POU6F2: variants seen among roughly 807,000 people sequenced by gnomAD.
POU6F2 encodes the protein POU domain, class 6, transcription factor 2.
In POU6F2, 31 loss-of-function variants were observed where a neutral mutation model predicts 71.3. The observed-to-expected ratio is 0.43, with a 90% confidence interval of 0.33 to 0.59. The LOEUF (loss-of-function observed/expected upper bound fraction) is 0.59, where lower values mean the gene tolerates loss of function less well. Among genes scored for constraint, POU6F2 ranks in the 20% least tolerant of loss-of-function variants. The pLI is 0.04. For missense variants in POU6F2, 783 were observed against 856.8 expected, an observed-to-expected ratio of 0.91 and a Z score of 1.07; for synonymous variants, 347 against 355.7, an observed-to-expected ratio of 0.98 and a Z score of 0.27.
intron 1 of POU6F2, among the ~76,000 whole-genome samples, chr7:39,016,194 T>C (rs1349961941): frequency 7.2e-6 from 1 of 139,450 alleles, no homozygotes; most frequent in East Asian, 2.0e-4. Flanking sequence ...ATCTATATTA[T>C]ATATAGATGT....
chr7:39,385,236 C>A (rs1211844586), intron 5 of POU6F2, among the ~76,000 whole-genome samples: 2 of 152,182 alleles, frequency 1.3e-5, no homozygotes, highest in Non-Finnish European at 1.5e-5. Context: ...TTCTGCAAAT[C>A]TCAAATCTTT....
At chr7:39,088,388 A>G (rs1443948795) in intron 2 of POU6F2, among the ~76,000 whole-genome samples, 4 of 152,198 alleles carry the variant, frequency 2.6e-5, no homozygotes, top group African/African-American at 9.6e-5. Context: ...AACTTTCCAG[A>G]ATAATTCTGT....
Position 39,451,660 on chromosome 7 carries a change from C to A in POU6F2, c.1448C>A (p.Ser483Tyr). Residue 483 changes from serine to tyrosine, a missense_variant, in exon 8 of 10, where the codon TCC becomes TAC. This residue lies in a region of POU6F2 where 572 missense variants were observed against 572.9 expected (regional missense o/e 1.00). Coordinates refer to ENST00000518318, the MANE Select transcript of POU6F2 (RefSeq NM_001370959.1). ...VRQASSSSSS[S>Y]SSSSALSVGQ... is the part of the protein sequence containing the mutation. ...CAGGCTTCCTCTTCTTCCTCCTCATCCTCCTCTTCTTCAGCTTTGAGCGTG... is the reference window on the plus strand; with the variant it reads ...CAGGCTTCCTCTTCTTCCTCCTCATACTCCTCTTCTTCAGCTTTGAGCGTG... 1.2e-6 allele frequency: 2 copies of A among 1,610,654 alleles called. No individual in the cohort carries two copies. The highest frequency in any genetic ancestry group is 1.6e-4 in the Middle Eastern group (1 of 6,062).
intron 4 of POU6F2, among the ~76,000 whole-genome samples, chr7:39,275,049 A>G (rs1431463494): frequency 1.3e-5 from 2 of 151,634 alleles, no homozygotes; most frequent in African/African-American, 4.8e-5. Flanking sequence ...AGTTCTGGCC[A>G]GGGCAATTAG....
At chr7:39,158,032 G>C (rs908646359) in intron 2 of POU6F2, among the ~76,000 whole-genome samples, 1 of 152,174 alleles carries the variant, frequency 6.6e-6, no homozygotes, top group Non-Finnish European at 1.5e-5. Flanking sequence ...GAAGCAGGCT[G>C]TCTGGATTTT....
At chr7:39,360,983 C>G (rs1232694515) in intron 5 of POU6F2, among the ~76,000 whole-genome samples, 1 of 152,154 alleles carries the variant, frequency 6.6e-6, no homozygotes, top group Non-Finnish European at 1.5e-5. Flanking sequence ...CCTATCTCAT[C>G]CTATGAGTTA....
intron 1 of POU6F2, among the ~76,000 whole-genome samples, chr7:39,050,799 C>G (rs1790386928): frequency 6.6e-6 from 1 of 152,142 alleles, no homozygotes; most frequent in African/African-American, 2.4e-5. Flanking sequence ...AGAAGGGGAG[C>G]AGCCCAGGCA....
At chr7:39,250,094 C>T (rs1783887942) in intron 4 of POU6F2, among the ~76,000 whole-genome samples, 2 of 152,196 alleles carry the variant, frequency 1.3e-5, no homozygotes, top group South Asian at 4.1e-4. Flanking sequence ...TCAGCTCCAT[C>T]TTGGCAGCCC....
At chr7:39,445,616 T>C (rs1032379056) in intron 7 of POU6F2, among the ~76,000 whole-genome samples, 3 of 152,104 alleles carry the variant, frequency 2.0e-5, no homozygotes, top group Admixed American at 1.3e-4. Flanking sequence ...CTTCCTCCTC[T>C]TTTCAAATTT....
chr7:39,124,048 CTTT>C (rs367553456), intron 2 of POU6F2, among the ~76,000 whole-genome samples: 1 of 130,174 alleles, frequency 7.7e-6, no homozygotes, highest in Non-Finnish European at 1.6e-5. Context: ...TAGACTGGGC[CTTT>C]TTTTTTTTTT....
At chr7:39,017,392 A>G (rs926382824) in intron 1 of POU6F2, among the ~76,000 whole-genome samples, 6 of 152,122 alleles carry the variant, frequency 3.9e-5, no homozygotes, top group Admixed American at 1.3e-4. Flanking sequence ...CTGCTAAATC[A>G]CCATCTTTAG....
chr7:39,449,802 G>T (rs1390698831), intron 7 of POU6F2, among the ~76,000 whole-genome samples: 1 of 152,114 alleles, frequency 6.6e-6, no homozygotes, highest in African/African-American at 2.4e-5. Flanking sequence ...ACCAAGGCAT[G>T]CAACAAAATG....
chr7:39,262,484 C>T (rs185140316), intron 4 of POU6F2, among the ~76,000 whole-genome samples: 2 of 152,336 alleles, frequency 1.3e-5, no homozygotes, highest in African/African-American at 4.8e-5. Flanking sequence ...CACTGTTCAA[C>T]TCTTCATTCT....
intron 5 of POU6F2, among the ~76,000 whole-genome samples, chr7:39,364,333 T>C (rs1048182676): frequency 1.3e-5 from 2 of 152,038 alleles, no homozygotes; most frequent in Non-Finnish European, 2.9e-5. Flanking sequence ...AATTCTTTAG[T>C]GGTGATTTGT....
intron 2 of POU6F2, among the ~76,000 whole-genome samples, chr7:39,190,631 C>CTTTTTTTT: frequency 1.3e-5 from 1 of 74,202 alleles, no homozygotes; most frequent in Non-Finnish European, 2.3e-5. Flanking sequence ...GAGTCAACTT[C>CTTTTTTTT]TTTTTTTTTT....
intron 4 of POU6F2, among the ~76,000 whole-genome samples, chr7:39,228,395 A>G (rs536960146): frequency 3.3e-5 from 5 of 152,322 alleles, no homozygotes; most frequent in Admixed American, 6.5e-5. Flanking sequence ...TAGAAAGCAC[A>G]TAGCCCTCCC....
At chr7:39,258,334 A>G (rs1562766351) in intron 4 of POU6F2, among the ~76,000 whole-genome samples, 1 of 152,210 alleles carries the variant, frequency 6.6e-6, no homozygotes. Context: ...GAGAGCATTC[A>G]CTGAGAAAAA....
intron 5 of POU6F2, among the ~76,000 whole-genome samples, chr7:39,343,330 A>C (rs974280304): frequency 2.0e-5 from 3 of 152,114 alleles, no homozygotes; most frequent in Non-Finnish European, 2.9e-5. Flanking sequence ...CTGAATCTAA[A>C]ACTAAAAATA....
At chr7:39,369,870 G>A (rs1786575212) in intron 5 of POU6F2, among the ~76,000 whole-genome samples, 1 of 150,284 alleles carries the variant, frequency 6.7e-6, no homozygotes, top group Non-Finnish European at 1.5e-5. Context: ...TTTTGGTGGG[G>A]GTGGTTAGAG....
Sources: allele counts gnomAD v4.1 joint callset (sites outside exome capture counted in the v4.1 genomes callset), GRCh38; gene constraint gnomAD v4.1.1; regional missense constraint gnomAD v4.1.1; transcripts MANE v1.5; gene names NCBI Gene and HGNC (gene_info 2026-07-23, HGNC 2026-07-21).